The following SGMS1 variants were observed in gnomAD, a reference collection of about 807,000 sequenced individuals.
SGMS1 encodes the protein phosphatidylcholine:ceramide cholinephosphotransferase 1.
Under a neutral mutation model 46.2 loss-of-function variants are expected in SGMS1, and 13 were observed. That is an observed-to-expected ratio of 0.28 (90% CI 0.18 to 0.45). The LOEUF is 0.45. SGMS1 is among the 20% of genes least tolerant of loss of function. SGMS1 has a pLI of 1.00. For missense variants in SGMS1, 324 were observed against 519.9 expected, an observed-to-expected ratio of 0.62 and a Z score of 3.66; for synonymous variants, 203 against 187.8, an observed-to-expected ratio of 1.08 and a Z score of -0.66.
chr10:50,533,997 C>T (rs1464651430), intron 2 of SGMS1, among the ~76,000 whole-genome samples: 2 of 152,074 alleles, frequency 1.3e-5, no homozygotes, highest in Non-Finnish European at 2.9e-5. Flanking sequence ...CTAGCCTTGT[C>T]TACACAGTAA....
chr10:50,381,304 G>A (rs1034410635), intron 6 of SGMS1, among the ~76,000 whole-genome samples: 16 of 150,848 alleles, frequency 1.1e-4, no homozygotes, highest in Middle Eastern at 3.2e-3. Context: ...AAAAAAATCC[G>A]TAACATTCTG....
intron 1 of SGMS1, among the ~76,000 whole-genome samples, chr10:50,622,784 C>T (rs1463782013): frequency 6.6e-6 from 1 of 152,248 alleles, no homozygotes; most frequent in Non-Finnish European, 1.5e-5. Context: ...GCAGCATTCA[C>T]CAGAACGCTC....
chr10:50,378,782 A>G (rs904716676), intron 6 of SGMS1, among the ~76,000 whole-genome samples: 9 of 152,208 alleles, frequency 5.9e-5, no homozygotes, highest in African/African-American at 2.2e-4. Context: ...TTGATATCTT[A>G]GTACCTACCT....
chr10:50,491,301 T>C (rs138903784), intron 3 of SGMS1, among the ~76,000 whole-genome samples: 455 of 152,310 alleles, frequency 3.0e-3, no homozygotes, highest in Non-Finnish European at 4.4e-3. Flanking sequence ...TATAGTGAGC[T>C]ATGACAGTAT....
At chr10:50,500,253 C>T (rs771847816) in intron 3 of SGMS1, among the ~76,000 whole-genome samples, 5 of 152,128 alleles carry the variant, frequency 3.3e-5, no homozygotes, top group Non-Finnish European at 7.4e-5. Context: ...GAATTTTTAT[C>T]AGGCTTCTCA....
In SGMS1 at chr10:50,611,516, A is replaced by G. The variant is rs1431134751; in HGVS notation, c.-684+12191T>C. On this transcript the variant is annotated intron_variant, in intron 1 of 10. Coordinates refer to ENST00000361781, the MANE Select transcript of SGMS1 (RefSeq NM_147156.4). The stretch of plus-strand genomic sequence containing the variant: ...TCTAGAAGACCCTGGGTGTCCTGAC[A>G]TCTTACAAATGGCTCAGAAATTGCA... Among the ~76,000 whole-genome samples the G allele has an allele frequency of 4.6e-5, 7 of 152,266 alleles. No homozygotes were observed. The East Asian group carries it at 1.4e-3, about 29-fold the overall frequency.
At chr10:50,435,683 G>T (rs897581668) in intron 5 of SGMS1, among the ~76,000 whole-genome samples, 7 of 152,116 alleles carry the variant, frequency 4.6e-5, no homozygotes, top group African/African-American at 1.7e-4. Context: ...TTCTTCTGGT[G>T]TACATTCTAA....
intron 3 of SGMS1, among the ~76,000 whole-genome samples, chr10:50,516,005 C>A (rs1434471504): frequency 6.6e-6 from 1 of 152,124 alleles, no homozygotes; most frequent in Non-Finnish European, 1.5e-5. Context: ...AAATATCCTA[C>A]CTGTAATCTA....
intron 1 of SGMS1, among the ~76,000 whole-genome samples, chr10:50,591,664 A>G (rs1838542130): frequency 6.6e-6 from 1 of 152,226 alleles, no homozygotes; most frequent in Non-Finnish European, 1.5e-5. Flanking sequence ...ATCACACTGC[A>G]TCGCTGGCGA....
Position 50,540,679 on chromosome 10 carries a change from G to A in SGMS1, c.-588-20758C>T, listed in dbSNP as rs147935622. Among the ~76,000 whole-genome samples the A allele has an allele frequency of 4.7e-4, 71 of 152,322 alleles. No individual in the cohort carries two copies. The East Asian group carries it at 5.6e-3, about 12-fold the overall frequency. On this transcript the variant is annotated intron_variant, in intron 2 of 10. Transcript: ENST00000361781. ...AAACCAAAACTAAGCCACCATGACTGGATTGAAGAGGGGGAACACGGAGGG... is the reference window on the plus strand; with the variant it reads ...AAACCAAAACTAAGCCACCATGACTAGATTGAAGAGGGGGAACACGGAGGG...
intron 8 of SGMS1, among the ~76,000 whole-genome samples, chr10:50,317,128 G>T (rs908157687): frequency 8.5e-5 from 13 of 152,258 alleles, no homozygotes; most frequent in African/African-American, 2.6e-4. Context: ...CAGAATTATT[G>T]TAAGTTATGA....
At chr10:50,610,532 G>A (rs1318453071) in intron 1 of SGMS1, among the ~76,000 whole-genome samples, 2 of 152,140 alleles carry the variant, frequency 1.3e-5, no homozygotes, top group Non-Finnish European at 2.9e-5. Flanking sequence ...TCACAATCCT[G>A]CCTGTTTCTA....
intron 6 of SGMS1, among the ~76,000 whole-genome samples, chr10:50,380,879 C>A (rs1191447057): frequency 6.6e-6 from 1 of 152,018 alleles, no homozygotes; most frequent in Non-Finnish European, 1.5e-5. Context: ...GACCAGGCTG[C>A]GGTGCAGTGG....
chr10:50,404,825 A>T (rs7067626), intron 6 of SGMS1, among the ~76,000 whole-genome samples: 33,764 of 152,104 alleles, frequency 0.22, 3,737 homozygotes, highest in Admixed American at 0.25. Context: ...CATCCAGAAA[A>T]AAGGCAAAAA....
chr10:50,461,568 T>C (rs1837264804), intron 4 of SGMS1, among the ~76,000 whole-genome samples: 1 of 152,208 alleles, frequency 6.6e-6, no homozygotes. Context: ...CTCTCAACCC[T>C]TTTCAGGATC....
At chr10:50,389,418 G>C (rs978569888) in intron 6 of SGMS1, among the ~76,000 whole-genome samples, 13 of 152,082 alleles carry the variant, frequency 8.5e-5, no homozygotes, top group African/African-American at 2.2e-4. Context: ...CTTGTATCTG[G>C]GGGGAGGTCA....
intron 3 of SGMS1, among the ~76,000 whole-genome samples, chr10:50,479,511 T>A (rs1837457440): frequency 6.6e-6 from 1 of 152,162 alleles, no homozygotes; most frequent in Non-Finnish European, 1.5e-5. Context: ...AAAGTGACTT[T>A]CTGAGCTAAA....
intron 6 of SGMS1, among the ~76,000 whole-genome samples, chr10:50,355,035 G>GCA (rs1238398515): frequency 6.6e-6 from 1 of 152,228 alleles, no homozygotes; most frequent in Non-Finnish European, 1.5e-5. Context: ...TCAGTGTGAT[G>GCA]ATTCCTCAGG....
In SGMS1 at chr10:50,561,369, G is replaced by A. The variant is rs1838234964; in HGVS notation, c.-589+28784C>T. 2.0e-5 allele frequency among the ~76,000 whole-genome samples: 3 copies of A among 152,218 alleles called. No individual in the cohort carries two copies. In the South Asian group the frequency reaches 6.2e-4, roughly 32 times the overall value. On this transcript the variant is annotated intron_variant, in intron 2 of 10. Coordinates refer to ENST00000361781, the MANE Select transcript of SGMS1 (RefSeq NM_147156.4). ...AATACAGCTAGTATCAACTGGCAGA[G>A]CATGAATGTAACACAGTCCATCTGG...
Sources: gnomAD v4.1 joint callset for allele counts (sites outside exome capture counted in the v4.1 genomes callset) on GRCh38, gnomAD v4.1.1 for gene constraint, MANE v1.5 for transcripts, NCBI Gene and HGNC (gene_info 2026-07-23, HGNC 2026-07-21) for gene names.